SENP1: variants seen among roughly 807,000 people sequenced by gnomAD.
The protein encoded by SENP1 is sentrin-specific protease 1.
SENP1 carries 21 observed loss-of-function variants against 93.0 expected under a neutral mutation model. That is an observed-to-expected ratio of 0.23 (90% CI 0.16 to 0.33). The LOEUF is 0.33. Ranked by LOEUF, SENP1 falls within the 10% of genes least tolerant of loss-of-function variation. SENP1 has a pLI of 1.00. For synonymous variants in SENP1, 256 were observed against 259.6 expected (o/e 0.99, Z 0.13); for missense variants, 591 against 758.7 (o/e 0.78, Z 2.60).
chr12:48,079,850 G>GT (rs1188434006), intron 6 of SENP1, among the ~76,000 whole-genome samples: 3 of 152,016 alleles, frequency 2.0e-5, no homozygotes, highest in Non-Finnish European at 4.4e-5. Flanking sequence ...TTTGTTTAAA[G>GT]TAATAACTTT....
At chr12:48,055,179 G>A in intron 13 of SENP1, 1 of 245,648 alleles carries the variant, frequency 4.1e-6, no homozygotes, top group Non-Finnish European at 7.9e-6. Flanking sequence ...TCTGAAGGTG[G>A]TATGCCTTAG....
chr12:48,103,890 T>C (rs1196297603), intron 1 of SENP1, among the ~76,000 whole-genome samples: 1 of 152,006 alleles, frequency 6.6e-6, no homozygotes, highest in Non-Finnish European at 1.5e-5. Flanking sequence ...TGAAAGACAA[T>C]GTCTAGGGCT....
At chr12:48,096,304 A>C in intron 4 of SENP1, 39 bp downstream of exon 4, 1 of 1,167,034 alleles carries the variant, frequency 8.6e-7, no homozygotes, top group Non-Finnish European at 1.3e-6. Flanking sequence ...AGAAATCCAA[A>C]AGGTATAAAG....
intron 12 of SENP1, among the ~76,000 whole-genome samples, chr12:48,064,070 T>C (rs191555537): frequency 1.3e-5 from 2 of 152,312 alleles, no homozygotes; most frequent in Non-Finnish European, 2.9e-5. Flanking sequence ...CAGCACAACA[T>C]TCAGATCCTT....
chr12:48,103,988 A>G (rs563278680), intron 1 of SENP1, among the ~76,000 whole-genome samples: 1 of 152,210 alleles, frequency 6.6e-6, no homozygotes, highest in African/African-American at 2.4e-5. Flanking sequence ...CGAGGTGGGC[A>G]GATCACGAGG....
At chr12:48,056,374 T>G in intron 13 of SENP1, among the ~76,000 whole-genome samples, 1 of 117,088 alleles carries the variant, frequency 8.5e-6, no homozygotes, top group Non-Finnish European at 1.6e-5. Context: ...ATATATTACA[T>G]ATATATTTAA....
intron 6 of SENP1, among the ~76,000 whole-genome samples, chr12:48,079,596 C>A: frequency 6.6e-6 from 1 of 151,982 alleles, no homozygotes. Flanking sequence ...GTTTTAAAAC[C>A]TGAAAAAACC....
intron 1 of SENP1, among the ~76,000 whole-genome samples, chr12:48,103,709 C>T (rs1946119246): frequency 6.6e-6 from 1 of 152,116 alleles, no homozygotes; most frequent in Non-Finnish European, 1.5e-5. Context: ...TCCTAGTATA[C>T]ACTGGTCATG....
chr12:48,088,279 T>G (rs1419137802), intron 5 of SENP1, among the ~76,000 whole-genome samples: 1 of 152,200 alleles, frequency 6.6e-6, no homozygotes. Flanking sequence ...AGTCTGGAAC[T>G]CCTGACCTCA....
intron 13 of SENP1, chr12:48,054,943 A>G (rs1447092173): frequency 4.6e-6 from 1 of 219,050 alleles, no homozygotes; most frequent in African/African-American, 2.3e-5. Flanking sequence ...CGGAATATTT[A>G]TTGTGTGACT....
rs1468025325 is a variant in SENP1, at chr12:48,049,121, G to A, written c.1419C>T (p.Phe473=). Residue 473 remains phenylalanine (F), a synonymous_variant, in exon 14 of 18, where the codon TTC becomes TTT. Coordinates refer to ENST00000549518, the MANE Select transcript of SENP1 (RefSeq NM_001267594.2). ...TTCGCTCCATCAGCATATTCATGTA[G>A]AAATTGATGATCTGTGGGAAGAAAT... ...LNWLNDEIIN[F]YMNMLMERSK... The A allele has an allele frequency of 2.5e-6, 4 of 1,613,076 alleles. No individual in the cohort carries two copies. In the South Asian group the frequency reaches 4.4e-5, roughly 18 times the overall value.
intron 6 of SENP1, 99 bp from the exon 7 acceptor site, chr12:48,074,892 C>G: frequency 1.3e-6 from 1 of 759,280 alleles, no homozygotes; most frequent in South Asian, 1.7e-5. Flanking sequence ...TGCCAAAGCT[C>G]AGGCAGAATC....
Position 48,047,045 on chromosome 12 carries a change from T to C in SENP1, c.1709A>G (p.Glu570Gly). Residue 570 changes from glutamate (E) to glycine (G), a missense_variant, in exon 16 of 18, where the codon GAA becomes GGA. Transcript: ENST00000549518. ...CTCTTTCCTTTTCTTGTCAATGCTT[T>C]CTTGCTTTAGGTATTGCCTAAAGGT... ...CRILLQYLKQ[E>G]SIDKKRKEFD... The C allele has an allele frequency of 6.2e-7, 1 of 1,612,410 alleles. No homozygotes were observed. The highest frequency in any genetic ancestry group is 8.5e-7 in the Non-Finnish European group (1 of 1,178,642).
intron 3 of SENP1, 123 bp downstream of exon 3, chr12:48,097,871 A>G: frequency 1.2e-6 from 1 of 866,822 alleles, no homozygotes. Context: ...CACTAAAATT[A>G]CTGATTCTAA....
chr12:48,094,499 G>A (rs890364040), intron 4 of SENP1, among the ~76,000 whole-genome samples: 2 of 151,990 alleles, frequency 1.3e-5, no homozygotes, highest in African/African-American at 4.8e-5. Context: ...GGCCAACATG[G>A]CGAAACCCCA....
intron 5 of SENP1, among the ~76,000 whole-genome samples, chr12:48,087,218 A>G (rs908826936): frequency 2.6e-5 from 4 of 152,264 alleles, no homozygotes; most frequent in Non-Finnish European, 5.9e-5. Flanking sequence ...TTACAAAAGA[A>G]TATGTATACT....
intron 4 of SENP1, among the ~76,000 whole-genome samples, chr12:48,092,039 ATACTC>A (rs1337861943): frequency 1.3e-5 from 2 of 152,184 alleles, no homozygotes; most frequent in Non-Finnish European, 2.9e-5. Context: ...AATGTTTTAA[ATACTC>A]TAATCTTAAG....
At chr12:48,048,200 G>T in intron 14 of SENP1, 120 bp from the exon 15 acceptor site, 1 of 654,154 alleles carries the variant, frequency 1.5e-6, no homozygotes, top group Non-Finnish European at 2.7e-6. Flanking sequence ...TGACAAGTTT[G>T]ACTGATATTT....
intron 13 of SENP1, among the ~76,000 whole-genome samples, chr12:48,049,750 T>C (rs373390946): frequency 1.3e-5 from 2 of 152,210 alleles, no homozygotes; most frequent in East Asian, 1.9e-4. Context: ...TTAATTATAC[T>C]GGAAAAACAC....
Sources: allele counts gnomAD v4.1 joint callset (sites outside exome capture counted in the v4.1 genomes callset), GRCh38; gene constraint gnomAD v4.1.1; transcripts MANE v1.5; gene names NCBI Gene and HGNC (gene_info 2026-07-23, HGNC 2026-07-21).